FOXO1: variants seen among roughly 807,000 people sequenced by gnomAD.
FOXO1 encodes the protein forkhead box protein O1.
A neutral mutation model predicts 44.1 loss-of-function variants in FOXO1; 6 were observed. That is an observed-to-expected ratio of 0.14 (90% CI 0.07 to 0.27). The LOEUF is 0.27. FOXO1 is among the 10% of genes least tolerant of loss of function. The pLI is 1.00. For synonymous variants in FOXO1, 380 were observed against 362.7 expected (o/e 1.05, Z -0.54); for missense variants, 737 against 888.8 (o/e 0.83, Z 2.17).
At chr13:40,574,985 T>C (rs538080248) in intron 1 of FOXO1, among the ~76,000 whole-genome samples, 4 of 152,202 alleles carry the variant, frequency 2.6e-5, no homozygotes, top group African/African-American at 9.7e-5. Flanking sequence ...TTATCCAATA[T>C]ATTGAGGTCT....
chr13:40,666,265 A>G lies in FOXO1; in HGVS notation c.-53T>C. On this transcript the variant is annotated 5_prime_UTR_variant, in exon 1 of 3. Transcript: ENST00000379561. Reference sequence around the variant, plus strand: ...AGGAGAGCCAAGAGGGGGAGAACGCAGCACTGGGGGCGGACGGGGAGGGGG... The same window carrying G: ...AGGAGAGCCAAGAGGGGGAGAACGCGGCACTGGGGGCGGACGGGGAGGGGG... 7.5e-7 allele frequency: 1 copy of G among 1,324,648 alleles called. No individual in the cohort carries two copies. 82.1% of individuals were successfully genotyped at this position (1,324,648 alleles called of 1,614,324 possible).
intron 1 of FOXO1, among the ~76,000 whole-genome samples, chr13:40,563,050 C>T (rs1439671151): frequency 1.3e-5 from 2 of 152,220 alleles, no homozygotes; most frequent in African/African-American, 4.8e-5. Context: ...GCTTTCTTGG[C>T]CTCCTCTGCC....
chr13:40,664,447 T>C (rs1014262251), intron 1 of FOXO1, among the ~76,000 whole-genome samples: 3 of 151,712 alleles, frequency 2.0e-5, no homozygotes, highest in African/African-American at 7.3e-5. Context: ...GGGAAGTGCC[T>C]GCCCCCACGC....
At chr13:40,577,255 T>C (rs531663725) in intron 1 of FOXO1, among the ~76,000 whole-genome samples, 61 of 148,852 alleles carry the variant, frequency 4.1e-4, no homozygotes, top group South Asian at 1.1e-3. Context: ...TTTTAAAAGG[T>C]TGATGAGCAC....
chr13:40,607,014 CAAA>C (rs34284491), intron 1 of FOXO1, among the ~76,000 whole-genome samples: 1 of 152,132 alleles, frequency 6.6e-6, no homozygotes, highest in Non-Finnish European at 1.5e-5. Context: ...GTTAGGCCCC[CAAA>C]AAATATTGTG....
At chr13:40,646,398 G>A (rs765726532) in intron 1 of FOXO1, among the ~76,000 whole-genome samples, 10 of 151,058 alleles carry the variant, frequency 6.6e-5, no homozygotes, top group Non-Finnish European at 1.5e-4. Flanking sequence ...GGCCAGGCTG[G>A]TCTCAAACTC....
Position 40,556,083 on chromosome 13 carries a change from G to C in FOXO1, c.*2966C>G, listed in dbSNP as rs567201093. 6.6e-6 allele frequency: 1 copy of C among 152,184 alleles called. No homozygotes were observed. Among genetic ancestry groups the C allele is most frequent in the South Asian group, 2.1e-4 (1 of 4,834 alleles). 9.4% of individuals were successfully genotyped at this position (152,184 alleles called of 1,614,324 possible). ...TTATTCCCAAACTAAAACCAGAAAA[G>C]AAACTTCTCTTTTAAAATTAGTTAT... On this transcript the variant is annotated 3_prime_UTR_variant, in exon 3 of 3. Coordinates refer to ENST00000379561, the MANE Select transcript of FOXO1 (RefSeq NM_002015.4).
At chr13:40,622,558 A>G (rs780390781) in intron 1 of FOXO1, among the ~76,000 whole-genome samples, 1 of 152,110 alleles carries the variant, frequency 6.6e-6, no homozygotes, top group Non-Finnish European at 1.5e-5. Flanking sequence ...TTCTAGCAAA[A>G]GGCAAATCTG....
intron 1 of FOXO1, among the ~76,000 whole-genome samples, chr13:40,613,139 C>G: frequency 6.6e-6 from 1 of 152,280 alleles, no homozygotes; most frequent in East Asian, 1.9e-4. Flanking sequence ...TGCCTGTAAA[C>G]CCCATCTCTC....
At chr13:40,628,636 C>T (rs1876865542) in intron 1 of FOXO1, among the ~76,000 whole-genome samples, 1 of 152,234 alleles carries the variant, frequency 6.6e-6, no homozygotes, top group African/African-American at 2.4e-5. Flanking sequence ...CCAAGCCACA[C>T]TCTCAAAGCC....
Position 40,558,601 on chromosome 13 carries a change from C to G in FOXO1, c.*448G>C, listed in dbSNP as rs183906523. 4.8e-4 allele frequency: 172 copies of G among 360,602 alleles called. 4 individuals carry two copies. The Admixed American group carries it at 7.9e-3, about 17-fold the overall frequency. 22.3% of individuals were successfully genotyped at this position (360,602 alleles called of 1,614,324 possible). A position where few individuals can be genotyped will look rare whatever the true frequency, so the allele number is the denominator to read the frequency against. ...TAGTACAAACAAAAGTTTAACTTAT[C>G]AAGACATGAGGCCCATCACAGTATT... On this transcript the variant is annotated 3_prime_UTR_variant, in exon 3 of 3. Coordinates refer to ENST00000379561, the MANE Select transcript of FOXO1 (RefSeq NM_002015.4).
At chr13:40,559,058 CACACACACAT>C in intron 2 of FOXO1, 24 bp from the exon 3 acceptor site, 1 of 398,358 alleles carries the variant, frequency 2.5e-6, no homozygotes, top group Non-Finnish European at 4.4e-6. Context: ...CATACATACG[CACACACACAT>C]ACACACACAA....
chr13:40,605,424 TACAC>T (rs1875959716), intron 1 of FOXO1, among the ~76,000 whole-genome samples: 1 of 152,062 alleles, frequency 6.6e-6, no homozygotes, highest in Admixed American at 6.6e-5. Flanking sequence ...CCGTCAGCAT[TACAC>T]ACACACATTT....
chr13:40,603,597 C>T (rs990157082), intron 1 of FOXO1, among the ~76,000 whole-genome samples: 2 of 152,020 alleles, frequency 1.3e-5, no homozygotes, highest in Admixed American at 1.3e-4. Flanking sequence ...AAACCCTAAA[C>T]CCACAGTATA....
At chr13:40,589,671 C>T (rs1875297299) in intron 1 of FOXO1, among the ~76,000 whole-genome samples, 1 of 152,234 alleles carries the variant, frequency 6.6e-6, no homozygotes, top group African/African-American at 2.4e-5. Flanking sequence ...TAACAGAATC[C>T]TTTGAGCTTA....
intron 1 of FOXO1, among the ~76,000 whole-genome samples, chr13:40,615,454 C>A (rs1876387511): frequency 6.6e-6 from 1 of 152,034 alleles, no homozygotes; most frequent in African/African-American, 2.4e-5. Flanking sequence ...ACTGCTTGAA[C>A]CCAGGAGGTG....
Position 40,613,336 on chromosome 13 carries a change from G to A in FOXO1, c.630+52247C>T, listed in dbSNP as rs567128644. Among the ~76,000 whole-genome samples the A allele has an allele frequency of 1.5e-4, 23 of 152,182 alleles. 1 individual carries two copies. The South Asian group carries it at 4.6e-3, about 30-fold the overall frequency. On this transcript the variant is annotated intron_variant, in intron 1 of 2. Transcript: ENST00000379561. ...ACATAAGGATGTGACATAGTTACATGTGGTTTGCAAGAGGGCTCCTCCCTT... is the reference window on the plus strand; with the variant it reads ...ACATAAGGATGTGACATAGTTACATATGGTTTGCAAGAGGGCTCCTCCCTT...
intron 1 of FOXO1, among the ~76,000 whole-genome samples, chr13:40,592,360 T>C (rs1242445846): frequency 1.3e-5 from 2 of 152,232 alleles, no homozygotes; most frequent in African/African-American, 4.8e-5. Context: ...GTACAATTTG[T>C]TTTGTGAACT....
chr13:40,631,367 T>C (rs966689977), intron 1 of FOXO1, among the ~76,000 whole-genome samples: 4 of 151,960 alleles, frequency 2.6e-5, no homozygotes, highest in Non-Finnish European at 4.4e-5. Flanking sequence ...GAAGAAAACA[T>C]AGGGATAAAT....
Sources: allele counts gnomAD v4.1 joint callset (sites outside exome capture counted in the v4.1 genomes callset), GRCh38; gene constraint gnomAD v4.1.1; transcripts MANE v1.5; gene names NCBI Gene and HGNC (gene_info 2026-07-23, HGNC 2026-07-21).